APPL2: variants seen among roughly 807,000 people sequenced by gnomAD.
APPL2 encodes DCC-interacting protein 13-beta.
A neutral mutation model predicts 92.7 loss-of-function variants in APPL2; 84 were observed. The ratio of observed to expected loss-of-function variants is 0.91; its 90% CI spans 0.76 to 1.09. The LOEUF is 1.09. APPL2 is among the 50% of genes least tolerant of loss of function. APPL2 has a pLI of 0.00. For missense variants in APPL2, 736 were observed against 824.5 expected (o/e 0.89, Z 1.31); for synonymous variants, 291 against 291.0 (o/e 1.00, Z 0.00).
chr12:105,178,495 A>G (rs1449515078), intron 17 of APPL2, among the ~76,000 whole-genome samples: 1 of 152,176 alleles, frequency 6.6e-6, no homozygotes, highest in African/African-American at 2.4e-5. Flanking sequence ...GAAACCACTG[A>G]ATTGTACATT....
At chr12:105,182,898 T>A (rs4964338) in intron 17 of APPL2, among the ~76,000 whole-genome samples, 25,830 of 152,070 alleles carry the variant, frequency 0.17, 2,461 homozygotes, top group East Asian at 0.25. Flanking sequence ...AGTCTCTTTG[T>A]AGATCTCTAA....
At chr12:105,218,407 G>A (rs1425956289) in intron 2 of APPL2, among the ~76,000 whole-genome samples, 2 of 151,952 alleles carry the variant, frequency 1.3e-5, no homozygotes, top group Admixed American at 6.6e-5. Flanking sequence ...AGGGAAGCAC[G>A]CATCAAAAAA....
chr12:105,220,495 G>A (rs1890015719), intron 2 of APPL2, among the ~76,000 whole-genome samples: 1 of 152,166 alleles, frequency 6.6e-6, no homozygotes, highest in Non-Finnish European at 1.5e-5. Context: ...CCCTCTGCAG[G>A]AGGCTCTCTT....
intron 2 of APPL2, among the ~76,000 whole-genome samples, chr12:105,220,816 G>A (rs942686708): frequency 1.3e-5 from 2 of 152,228 alleles, no homozygotes; most frequent in African/African-American, 2.4e-5. Flanking sequence ...CTCCACCTCC[G>A]CTCAGGGAAG....
chr12:105,222,353 G>C (rs1349846824), intron 2 of APPL2, among the ~76,000 whole-genome samples: 1 of 152,134 alleles, frequency 6.6e-6, no homozygotes, highest in African/African-American at 2.4e-5. Context: ...CTGATCAGGA[G>C]GCCACTTGGA....
At chr12:105,190,668 C>T (rs1363946150) in intron 14 of APPL2, among the ~76,000 whole-genome samples, 1 of 152,220 alleles carries the variant, frequency 6.6e-6, no homozygotes, top group Non-Finnish European at 1.5e-5. Flanking sequence ...TCACCCAACT[C>T]TCCCAACCCA....
intron 8 of APPL2, among the ~76,000 whole-genome samples, chr12:105,205,018 C>T (rs908414346): frequency 7.2e-5 from 11 of 152,214 alleles, no homozygotes; most frequent in African/African-American, 2.2e-4. Flanking sequence ...AGTCCCCACA[C>T]CTCCACAAAG....
intron 20 of APPL2, among the ~76,000 whole-genome samples, chr12:105,175,574 T>TAC (rs1456505218): frequency 7.2e-5 from 11 of 152,220 alleles, no homozygotes; most frequent in African/African-American, 2.7e-4. Flanking sequence ...CTTGTTCAAT[T>TAC]ACACAAACTA....
rs761604289 is a variant in APPL2, at chr12:105,199,402, G to T, written c.834C>A (p.Ile278=). The change falls in exon 10 of 21, where the codon ATC becomes ATA. Residue 278 remains isoleucine (I), a synonymous_variant. Coordinates refer to ENST00000258530, the MANE Select transcript of APPL2 (RefSeq NM_018171.5). ...TAAGATTAAGGTAACCAGCCTTCTG[G>T]ATGAGGTTCCTGTTGATCTGTGGTG... ...VAAPQINRNL[I]QKAGYLNLRN... The T allele has an allele frequency of 2.5e-6, 4 of 1,613,416 alleles. No homozygotes were observed. The Admixed American group carries it at 6.7e-5, about 27-fold the overall frequency.
chr12:105,214,693 G>C (rs138970523), intron 4 of APPL2, among the ~76,000 whole-genome samples: 14 of 152,342 alleles, frequency 9.2e-5, no homozygotes, highest in African/African-American at 2.9e-4. Context: ...TTCTGACACA[G>C]AGATCCTAAT....
chr12:105,192,781 C>T (rs1211731128), intron 14 of APPL2, among the ~76,000 whole-genome samples: 2 of 152,172 alleles, frequency 1.3e-5, no homozygotes, highest in African/African-American at 2.4e-5. Context: ...CCAGTAATCC[C>T]TGCGTTTTCT....
chr12:105,216,978 T>G (rs1197248534), intron 4 of APPL2, 91 bp downstream of exon 4: 3 of 871,788 alleles, frequency 3.4e-6, no homozygotes, highest in African/African-American at 3.4e-5. Context: ...GATATTTAAG[T>G]AGAAATTTAA....
intron 2 of APPL2, among the ~76,000 whole-genome samples, chr12:105,220,664 A>G (rs1890028633): frequency 6.6e-6 from 1 of 152,170 alleles, no homozygotes; most frequent in Non-Finnish European, 1.5e-5. Flanking sequence ...AGCAGGGACC[A>G]TGGGCCACTC....
At chr12:105,179,734 G>A (rs776850892) in intron 17 of APPL2, among the ~76,000 whole-genome samples, 2 of 152,182 alleles carry the variant, frequency 1.3e-5, no homozygotes, top group African/African-American at 2.4e-5. Flanking sequence ...AACGACCAGT[G>A]ATGATGAGCT....
At chr12:105,191,790 A>G (rs1327656651) in intron 14 of APPL2, among the ~76,000 whole-genome samples, 1 of 152,134 alleles carries the variant, frequency 6.6e-6, no homozygotes, top group Non-Finnish European at 1.5e-5. Context: ...CTGGTGCCAC[A>G]TTTTACAGAG....
chr12:105,199,463 T>C lies in APPL2; in HGVS notation c.773A>G (p.Asp258Gly). The C allele has an allele frequency of 6.2e-7, 1 of 1,614,172 alleles. No homozygotes were observed. The highest frequency in any genetic ancestry group is 8.5e-7 in the Non-Finnish European group (1 of 1,180,028). ...RVSQQELLSVDESVYTPDSDV... is the reference protein window; with the variant it reads ...RVSQQELLSVGESVYTPDSDV... ...AGAGTCTGGAGTGTAAACAGATTCA[T>C]CAACAGAAAGTAATTCTTGCTGGGA... is the stretch of plus-strand genomic sequence containing the variant. Residue 258 changes from aspartate (D) to glycine (G), a missense_variant, in exon 10 of 21, where the codon GAT becomes GGT. Physicochemically the swap from Asp to Gly is moderately conservative, Grantham distance 94. Transcript: ENST00000258530.
At position 105,208,180 on chromosome 12, in the gene APPL2, A is replaced by T. The variant is rs1888912735; in HGVS notation, c.393T>A (p.Asp131Glu). Reference protein sequence around the residue: ...KDLTEVSTLKDLFGLASNEHD... With the variant: ...KDLTEVSTLKELFGLASNEHD... ...TACCATTGCTAGCGAGTCCAAATAG[A>T]TCCTTTAAAGTGCTTACTTCTGAAA... is the stretch of plus-strand genomic sequence containing the variant. The change falls in exon 6 of 21, where the codon GAT (aspartate) becomes GAA (glutamate). Residue 131 changes from aspartate to glutamate, a missense_variant. Physicochemically the swap from Asp to Glu is conservative, Grantham distance 45. Transcript: ENST00000258530. 1 of 1,614,178 alleles carries T rather than the reference A, an allele frequency of 6.2e-7. No homozygotes were observed. Among genetic ancestry groups the T allele is most frequent in the Non-Finnish European group, 8.5e-7 (1 of 1,180,016 alleles).
chr12:105,217,133 G>C lies in APPL2; in HGVS notation c.221C>G (p.Ala74Gly). The C allele has an allele frequency of 6.2e-7, 1 of 1,608,438 alleles. No homozygotes were observed. Among genetic ancestry groups the C allele is most frequent in the Non-Finnish European group, 8.5e-7 (1 of 1,176,870 alleles). The change falls in exon 4 of 21, where the codon GCT (alanine) becomes GGT (glycine). Residue 74 changes from alanine to glycine, a missense_variant. By Grantham distance (60) the Ala-to-Gly change is moderately conservative. Transcript: ENST00000258530. ...TACTTCTTCATCACCTTTGCCAAGA[G>C]CAAAGTTCTAAGACCAAAGAATAAA... ...QLLAYEKQNFALGKGDEEVIS... is the reference protein window; with the variant it reads ...QLLAYEKQNFGLGKGDEEVIS...
chr12:105,213,079 TGA>T (rs1337297992), intron 4 of APPL2, among the ~76,000 whole-genome samples: 1 of 152,226 alleles, frequency 6.6e-6, no homozygotes, highest in Non-Finnish European at 1.5e-5. Flanking sequence ...CTTGACGCTT[TGA>T]GAGACATTAT....
Sources: gnomAD v4.1 joint callset for allele counts (sites outside exome capture counted in the v4.1 genomes callset) on GRCh38, gnomAD v4.1.1 for gene constraint, MANE v1.5 for transcripts, NCBI Gene and HGNC (gene_info 2026-07-23, HGNC 2026-07-21) for gene names.